ADAMTS20: variants seen among roughly 807,000 people sequenced by gnomAD.
ADAMTS20 encodes A disintegrin and metalloproteinase with thrombospondin motifs 20.
A neutral mutation model predicts 260.1 loss-of-function variants in ADAMTS20; 225 were observed. The observed-to-expected ratio is 0.87, with a 90% CI of 0.78 to 0.97. The LOEUF is 0.97. Among genes scored for constraint, ADAMTS20 ranks in the 50% least tolerant of loss-of-function variants. The probability of loss-of-function intolerance (pLI) is 0.00; values close to 1 mark genes in which losing one functional copy is unlikely to be tolerated. For synonymous variants in ADAMTS20, 802 were observed against 769.5 expected, an observed-to-expected ratio of 1.04 and a Z score of -0.70; for missense variants, 2,400 against 2,337.7, an observed-to-expected ratio of 1.03 and a Z score of -0.55.
At chr12:43,491,915 T>C (rs1410080717) in intron 6 of ADAMTS20, among the ~76,000 whole-genome samples, 1 of 152,206 alleles carries the variant, frequency 6.6e-6, no homozygotes, top group African/African-American at 2.4e-5. Context: ...ACTAATATCG[T>C]AAGGAAATTG....
chr12:43,541,513 T>C (rs940683436), intron 2 of ADAMTS20, among the ~76,000 whole-genome samples: 90 of 152,224 alleles, frequency 5.9e-4, no homozygotes, highest in African/African-American at 2.1e-3. Context: ...TTTTTACCAC[T>C]GGCAGAGTAT....
chr12:43,483,133 C>T (rs1942467091), intron 7 of ADAMTS20, among the ~76,000 whole-genome samples: 1 of 152,176 alleles, frequency 6.6e-6, no homozygotes, highest in African/African-American at 2.4e-5. Flanking sequence ...CTGGTACCTG[C>T]TACTGGGAAA....
At chr12:43,472,807 AG>A in intron 7 of ADAMTS20, among the ~76,000 whole-genome samples, 1 of 151,648 alleles carries the variant, frequency 6.6e-6, no homozygotes, top group Non-Finnish European at 1.5e-5. Flanking sequence ...GTCACCACCA[AG>A]CCTGCCCTAA....
intron 29 of ADAMTS20, among the ~76,000 whole-genome samples, chr12:43,396,947 G>A (rs928780053): frequency 3.3e-5 from 5 of 152,100 alleles, no homozygotes; most frequent in African/African-American, 1.2e-4. Flanking sequence ...CCATGCCCCC[G>A]TGGCTCCTGC....
At chr12:43,524,877 G>T (rs1592110123) in intron 3 of ADAMTS20, among the ~76,000 whole-genome samples, 1 of 152,154 alleles carries the variant, frequency 6.6e-6, no homozygotes, top group Non-Finnish European at 1.5e-5. Flanking sequence ...CCAAGTCTGG[G>T]ATTAGGTAAA....
At chr12:43,414,656 T>C (rs1227727896) in intron 28 of ADAMTS20, among the ~76,000 whole-genome samples, 1 of 152,062 alleles carries the variant, frequency 6.6e-6, no homozygotes, top group Non-Finnish European at 1.5e-5. Flanking sequence ...CTCACTAGAA[T>C]TGCTAAAATT....
intron 28 of ADAMTS20, among the ~76,000 whole-genome samples, chr12:43,416,776 C>T (rs933663793): frequency 6.6e-6 from 1 of 152,176 alleles, no homozygotes; most frequent in Non-Finnish European, 1.5e-5. Context: ...ACCGCCTCGG[C>T]CTCCCAAAGT....
chr12:43,399,851 G>A (rs1203651862), intron 28 of ADAMTS20, among the ~76,000 whole-genome samples: 3 of 151,946 alleles, frequency 2.0e-5, no homozygotes, highest in African/African-American at 4.8e-5. Context: ...GTAAAATAAC[G>A]ATTTGACTTC....
rs901536321 is a variant in ADAMTS20 at position 43,384,516 on chromosome 12, C to T, written c.4453-539G>A. On this transcript the variant is annotated intron_variant, in intron 29 of 38. Coordinates refer to ENST00000389420, the MANE Select transcript of ADAMTS20 (RefSeq NM_025003.5). ...ATGTGCAGAACATGCCGCTTTGTTA[C>T]GTAGGTATACATGTGCCATGGTGGT... 8.5e-5 allele frequency among the ~76,000 whole-genome samples: 13 copies of T among 152,056 alleles called. 1 individual carries two copies. Among genetic ancestry groups the T allele is most frequent in the Middle Eastern group, 6.3e-3 (2 of 316 alleles).
At chr12:43,375,951 A>T (rs953424920) in intron 35 of ADAMTS20, 106 bp downstream of exon 35, 2 of 814,232 alleles carry the variant, frequency 2.5e-6, no homozygotes, top group Non-Finnish European at 3.8e-6. Context: ...CTCCTACATT[A>T]TTTGTCTCAC....
chr12:43,548,850 T>C (rs952029216), intron 2 of ADAMTS20, among the ~76,000 whole-genome samples: 2 of 152,200 alleles, frequency 1.3e-5, no homozygotes, highest in East Asian at 3.9e-4. Flanking sequence ...AGCTAAGTTA[T>C]GGAGGTATGA....
chr12:43,388,156 G>A (rs1940521711), intron 29 of ADAMTS20, among the ~76,000 whole-genome samples: 1 of 152,136 alleles, frequency 6.6e-6, no homozygotes, highest in East Asian at 1.9e-4. Flanking sequence ...CCCTGGTGGT[G>A]TAGGCACCTG....
intron 10 of ADAMTS20, 37 bp from the exon 11 acceptor site, chr12:43,463,036 G>C: frequency 9.2e-6 from 13 of 1,418,998 alleles, no homozygotes; most frequent in South Asian, 1.2e-5. Context: ...CCAGTGTAAA[G>C]ATAACACCAC....
At chr12:43,466,845 T>C (rs368041287) in intron 8 of ADAMTS20, 50 bp from the exon 9 acceptor site, 70 of 1,329,518 alleles carry the variant, frequency 5.3e-5, no homozygotes, top group Non-Finnish European at 7.4e-5. Flanking sequence ...ATGCTTACGA[T>C]ATTAGTAATA....
At chr12:43,376,679 C>T in intron 32 of ADAMTS20, 26 bp from the exon 33 acceptor site, 1 of 1,587,938 alleles carries the variant, frequency 6.3e-7, no homozygotes, top group Non-Finnish European at 8.5e-7. Context: ...AATTTGAAGG[C>T]AAACTATATT....
At chr12:43,375,273 G>C (rs1243348007) in intron 36 of ADAMTS20, 106 bp downstream of exon 36, 2 of 1,149,392 alleles carry the variant, frequency 1.7e-6, no homozygotes, top group Non-Finnish European at 2.3e-6. Context: ...TTTGCACAAT[G>C]TCAGGTCCTT....
chr12:43,383,841 C>T lies in ADAMTS20; in HGVS notation c.4589G>A (p.Cys1530Tyr). The change falls in exon 30 of 39, where the codon TGT becomes TAT. Residue 1530 changes from cysteine (C) to tyrosine (Y), a missense_variant. Cys to Tyr is a radical substitution (Grantham distance 194). Coordinates refer to ENST00000389420, the MANE Select transcript of ADAMTS20 (RefSeq NM_025003.5). Reference protein sequence around the residue: ...CSQRRCWSQDCVQHKGMERGR... With the variant: ...CSQRRCWSQDYVQHKGMERGR... ...TCTTTCCATCCCCTTGTGCTGCACA[C>T]AGTCCTGACTCCAACATCGCCTCTG... The T allele has an allele frequency of 6.2e-7, 1 of 1,613,928 alleles. No individual in the cohort carries two copies. Among genetic ancestry groups the T allele is most frequent in the South Asian group, 1.1e-5 (1 of 91,084 alleles).
intron 7 of ADAMTS20, among the ~76,000 whole-genome samples, chr12:43,486,642 A>G (rs935546202): frequency 2.0e-5 from 3 of 152,138 alleles, no homozygotes; most frequent in Non-Finnish European, 4.4e-5. Flanking sequence ...TAAAAAGACA[A>G]TGCAGAGTGG....
chr12:43,470,320 T>C (rs1942231553), intron 7 of ADAMTS20, among the ~76,000 whole-genome samples: 1 of 152,220 alleles, frequency 6.6e-6, no homozygotes, highest in African/African-American at 2.4e-5. Context: ...TTGGAACACA[T>C]TATTGAGTCC....
Sources: allele counts gnomAD v4.1 joint callset (sites outside exome capture counted in the v4.1 genomes callset), GRCh38; gene constraint gnomAD v4.1.1; transcripts MANE v1.5; gene names NCBI Gene and HGNC (gene_info 2026-07-23, HGNC 2026-07-21).